Variants in COPS7A observed in about 807,000 individuals in gnomAD.
COPS7A encodes COP9 signalosome subunit 7A, also known as COP9 signalosome complex subunit 7a.
In COPS7A, 20 loss-of-function variants were observed where a neutral mutation model predicts 35.2. That is an observed-to-expected ratio of 0.57 (90% CI 0.40 to 0.83). COPS7A has a LOEUF of 0.83. COPS7A is among the 40% of genes least tolerant of loss of function. COPS7A has a pLI of 0.00. For missense variants in COPS7A, 247 were observed against 347.5 expected (o/e 0.71, Z 2.30); for synonymous variants, 139 against 141.4 (o/e 0.98, Z 0.12).
intron 7 of COPS7A, 45 bp from the exon 8 acceptor site, chr12:6,730,955 C>T (rs77365023): frequency 0.077 from 122,508 of 1,593,906 alleles, 5,216 homozygotes; most frequent in South Asian, 0.12. Flanking sequence ...AGGGGATTCC[C>T]TGCATTCTCT....
At position 6,729,217 on chromosome 12, in the gene COPS7A, C is replaced by G. The variant is rs1259575652; in HGVS notation, c.328-30C>G. 1.9e-6 allele frequency: 3 copies of G among 1,612,522 alleles called. No individual in the cohort carries two copies. The African/African-American group carries it at 4.0e-5, about 22-fold the overall frequency. Reference sequence around the variant, plus strand: ...AGCCCTTCTCTACTACGGAGCGTCACAAATCCTGGCCTGATCTCCGCGGCC... The same window carrying G: ...AGCCCTTCTCTACTACGGAGCGTCAGAAATCCTGGCCTGATCTCCGCGGCC... On this transcript the variant is annotated intron_variant, in intron 4 of 7. Coordinates refer to ENST00000543155, the MANE Select transcript of COPS7A (RefSeq NM_001164094.2). This position sits in a 1 kb window ranked among gnomAD's most constrained non-coding sequence, Gnocchi z 4.2.
Position 6,730,826 on chromosome 12 carries a change from C to T in COPS7A, c.788+6C>T. On this transcript the variant is annotated splice_donor_region_variant and intron_variant, in intron 7 of 7. Coordinates refer to ENST00000543155, the MANE Select transcript of COPS7A (RefSeq NM_001164094.2). The stretch of plus-strand genomic sequence containing the variant: ...AAAGCCTCAAAGGGCAAGGGGTGAG[C>T]CAGGGTAGCAGGAACTGCTCACTTG... 6.2e-7 allele frequency: 1 copy of T among 1,613,880 alleles called. No homozygotes were observed. The highest frequency in any genetic ancestry group is 8.5e-7 in the Non-Finnish European group (1 of 1,179,928).
At position 6,730,580 on chromosome 12, in the gene COPS7A, G is replaced by T. The variant is rs986850184; in HGVS notation, c.636+73G>T. 14 of 1,611,130 alleles carry T rather than the reference G, an allele frequency of 8.7e-6. No homozygotes were observed. In the African/African-American group the frequency reaches 1.7e-4, roughly 20 times the overall value. ...GACTTGTCCTTTGCAGAGAGAATTT[G>T]GACAGTGGCTGTAGCAGACAACCAG... On this transcript the variant is annotated intron_variant, in intron 6 of 7. Coordinates refer to ENST00000543155, the MANE Select transcript of COPS7A (RefSeq NM_001164094.2).
chr12:6,727,775 A>G lies in COPS7A; in HGVS notation c.163-151A>G, dbSNP rs932220691. 97 of 727,984 alleles carry G rather than the reference A, an allele frequency of 1.3e-4. No homozygotes were observed. In the South Asian group the frequency reaches 1.4e-3, roughly 11 times the overall value. The allele number at this position is 727,984 out of a possible 1,614,324, so 45.1% of individuals were successfully genotyped here. A position where few individuals can be genotyped will look rare whatever the true frequency, so the allele number is the denominator to read the frequency against. ...ATGAGCCCTTCCTATGTGAAGAGTGATCAGAGAGGCAGAGAACTCCTTTTG... is the reference window on the plus strand; with the variant it reads ...ATGAGCCCTTCCTATGTGAAGAGTGGTCAGAGAGGCAGAGAACTCCTTTTG... On this transcript the variant is annotated intron_variant, in intron 2 of 7. Transcript: ENST00000543155.
Position 6,729,320 on chromosome 12 carries a change from A to G in COPS7A, c.401A>G (p.Glu134Gly). ...NVRQLEDLVI[E>G]AVYADVLRGS... ...CGGCAGCTGGAAGACCTTGTGATTG[A>G]GGCTGTGTATGCTGACGTGCTTCGT... The change falls in exon 5 of 8, where the codon GAG becomes GGG. Residue 134 changes from glutamate to glycine, a missense_variant. Transcript: ENST00000543155. The surrounding 1 kb of genome is among the most constrained non-coding windows in gnomAD (Gnocchi z 4.2). 1 of 1,614,074 alleles carries G rather than the reference A, an allele frequency of 6.2e-7. No homozygotes were observed. Among genetic ancestry groups the G allele is most frequent in the South Asian group, 1.1e-5 (1 of 91,078 alleles).
chr12:6,731,416 T>G lies in COPS7A; in HGVS notation c.*377T>G. 1 of 957,108 alleles carries G rather than the reference T, an allele frequency of 1.0e-6. No homozygotes were observed. The highest frequency in any genetic ancestry group is 1.4e-6 in the Non-Finnish European group (1 of 713,640). 59.3% of individuals were successfully genotyped at this position (957,108 alleles called of 1,614,324 possible). The stretch of plus-strand genomic sequence containing the variant: ...GGCGTTTTTTCTGCCACCCCATCCC[T>G]GCATGCCTGATCCCCAGTTCCTATA... On this transcript the variant is annotated 3_prime_UTR_variant, in exon 8 of 8. Coordinates refer to ENST00000543155, the MANE Select transcript of COPS7A (RefSeq NM_001164094.2).
At chr12:6,727,059 G>A (rs895202535) in intron 2 of COPS7A, among the ~76,000 whole-genome samples, 2 of 152,184 alleles carry the variant, frequency 1.3e-5, no homozygotes, top group Admixed American at 6.5e-5. Context: ...GAATGAAGCT[G>A]AGCACAGTGG....
At chr12:6,728,563 T>C (rs1337425216) in intron 4 of COPS7A, among the ~76,000 whole-genome samples, 1 of 152,234 alleles carries the variant, frequency 6.6e-6, no homozygotes, top group Non-Finnish European at 1.5e-5. Context: ...GCAACTAGGA[T>C]GTTGTTCAGG....
chr12:6,726,626 TAAAAC>T (rs201677468), intron 2 of COPS7A, among the ~76,000 whole-genome samples: 2,930 of 128,892 alleles, frequency 0.023, 47 homozygotes, highest in Middle Eastern at 0.095. Context: ...AATAAATAAA[TAAAAC>T]AAACAAAAGC....
At chr12:6,730,925 T>C in intron 7 of COPS7A, 75 bp from the exon 8 acceptor site, 1 of 1,584,176 alleles carries the variant, frequency 6.3e-7, no homozygotes, top group Non-Finnish European at 8.6e-7. Flanking sequence ...GAGTAGGGAG[T>C]GGGGGAGCCT....
rs771834290 is a variant in COPS7A at position 6,729,470 on chromosome 12, C to A, written c.530+21C>A. 1 of 1,608,276 alleles carries A rather than the reference C, an allele frequency of 6.2e-7. No homozygotes were observed. The highest frequency in any genetic ancestry group is 1.1e-5 in the South Asian group (1 of 90,908). On this transcript the variant is annotated intron_variant, in intron 5 of 7. Coordinates refer to ENST00000543155, the MANE Select transcript of COPS7A (RefSeq NM_001164094.2). The surrounding 1 kb of genome is among the most constrained non-coding windows in gnomAD (Gnocchi z 4.2). ...GAATGGTGAGAACCGTATCCTGGCACTGTCCCCTTCTCACCCTGAGAAAGA... is the reference window on the plus strand; with the variant it reads ...GAATGGTGAGAACCGTATCCTGGCAATGTCCCCTTCTCACCCTGAGAAAGA...
intron 2 of COPS7A, among the ~76,000 whole-genome samples, 183 bp downstream of exon 2, chr12:6,725,001 A>G (rs973906384): frequency 2.0e-5 from 3 of 152,194 alleles, no homozygotes; most frequent in Non-Finnish European, 4.4e-5. Flanking sequence ...TTTGGAGATA[A>G]GGGATCTGTA....
intron 4 of COPS7A, chr12:6,728,958 G>C (rs1240926124): frequency 2.3e-6 from 1 of 436,756 alleles, no homozygotes; most frequent in African/African-American, 2.0e-5. Context: ...TGTGGCTAAA[G>C]GAGTGACACC....
Position 6,731,406 on chromosome 12 carries a change from AC to A in COPS7A, c.*371del, listed in dbSNP as rs1393154990. 4.4e-5 allele frequency: 47 copies of A among 1,074,508 alleles called. No homozygotes were observed. The highest frequency in any genetic ancestry group is 5.5e-5 in the Non-Finnish European group (45 of 816,086). 66.6% of individuals were successfully genotyped at this position (1,074,508 alleles called of 1,614,324 possible). ...ATAACCCACAGGCGTTTTTTCTGCC[AC>A]CCCATCCCTGCATGCCTGATCCCCA... On this transcript the variant is annotated 3_prime_UTR_variant, in exon 8 of 8. Transcript: ENST00000543155.
In COPS7A at chr12:6,724,597, A is replaced by G; in HGVS notation, c.-43-17A>G. 4 of 1,607,740 alleles carry G rather than the reference A, an allele frequency of 2.5e-6. No individual in the cohort carries two copies. The highest frequency in any genetic ancestry group is 3.4e-6 in the Non-Finnish European group (4 of 1,174,826). ...AGCCATCGGGGACCTCTAGCTTCACATCCTCTTTCCTTGCAGCTCTGGACA... is the reference window on the plus strand; with the variant it reads ...AGCCATCGGGGACCTCTAGCTTCACGTCCTCTTTCCTTGCAGCTCTGGACA... On this transcript the variant is annotated splice_polypyrimidine_tract_variant and intron_variant, in intron 1 of 7. Coordinates refer to ENST00000543155, the MANE Select transcript of COPS7A (RefSeq NM_001164094.2).
intron 1 of COPS7A, 46 bp from the exon 2 acceptor site, chr12:6,724,568 G>C: frequency 6.5e-7 from 1 of 1,530,680 alleles, no homozygotes; most frequent in Non-Finnish European, 9.0e-7. Context: ...CTTCCCATCC[G>C]ACCAGCCATC....
intron 2 of COPS7A, chr12:6,725,911 C>A (rs1420660698): frequency 2.2e-6 from 1 of 456,078 alleles, no homozygotes; most frequent in African/African-American, 2.0e-5. Context: ...AAGCACTTGG[C>A]TGGGTGCGGT....
In COPS7A at chr12:6,729,262, G is replaced by C. The variant is rs773225678; in HGVS notation, c.343G>C (p.Val115Leu). ...GCGGCCCCAGTGTATCCCATATGCA[G>C]TGTTGCTGGAGGCTCTTGCCCTGCG... ...AAKVKCIPYA[V>L]LLEALALRNV... is the part of the protein sequence containing the mutation. The change falls in exon 5 of 8, where the codon GTG becomes CTG. Residue 115 changes from valine to leucine, a missense_variant. Transcript: ENST00000543155. This position sits in a 1 kb window ranked among gnomAD's most constrained non-coding sequence, Gnocchi z 4.2. 1 of 1,614,164 alleles carries C rather than the reference G, an allele frequency of 6.2e-7. No homozygotes were observed. Among genetic ancestry groups the C allele is most frequent in the African/African-American group, 1.3e-5 (1 of 75,028 alleles).
chr12:6,729,597 G>C lies in COPS7A; in HGVS notation c.530+148G>C, dbSNP rs1941342142. The C allele has an allele frequency of 1.2e-6, 1 of 831,704 alleles. No homozygotes were observed. The highest frequency in any genetic ancestry group is 1.7e-5 in the African/African-American group (1 of 58,466). 51.5% of individuals were successfully genotyped at this position (831,704 alleles called of 1,614,324 possible). ...TGAGTTCATCCCTCCAAAGGCTTCT[G>C]GGGAATGCAGGAGTAGGGGAGGCCC... On this transcript the variant is annotated intron_variant, in intron 5 of 7. Transcript: ENST00000543155. This position sits in a 1 kb window ranked among gnomAD's most constrained non-coding sequence, Gnocchi z 4.2.
Sources: allele counts gnomAD v4.1 joint callset (sites outside exome capture counted in the v4.1 genomes callset), GRCh38; gene constraint gnomAD v4.1.1; non-coding constraint Gnocchi (gnomAD v3.1); transcripts MANE v1.5; gene names NCBI Gene and HGNC (gene_info 2026-07-23, HGNC 2026-07-21).